RRAGB: variants seen among roughly 807,000 people sequenced by gnomAD.
The protein encoded by RRAGB is ras-related GTP-binding protein B.
A neutral mutation model predicts 29.3 loss-of-function variants in RRAGB; 6 were observed. That is an observed-to-expected ratio of 0.21 (90% CI 0.11 to 0.40). The LOEUF (loss-of-function observed/expected upper bound fraction) is 0.40. RRAGB is among the 10% of genes least tolerant of loss of function. The pLI is 1.00. For missense variants in RRAGB, 184 were observed against 272.9 expected, an observed-to-expected ratio of 0.67 and a Z score of 2.29; for synonymous variants, 101 against 92.5, an observed-to-expected ratio of 1.09 and a Z score of -0.53.
At position 55,753,506 on chromosome X, in the gene RRAGB, A is replaced by T. The variant is rs781527158; in HGVS notation, c.727A>T (p.Thr243Ser). 3 of 1,192,575 alleles carry T rather than the reference A, an allele frequency of 2.5e-6. No individual in the cohort carries two copies. The East Asian group carries it at 9.0e-5, about 36-fold the overall frequency. Residue 243 changes from threonine (T) to serine (S), a missense_variant, in exon 7 of 10, where the codon ACT becomes TCT. Physicochemically the swap from Thr to Ser is moderately conservative, Grantham distance 58. Transcript: ENST00000374941. ...TGAAGTACTTCTTTTTGAGAGAGCT[A>T]CTTTTCTGGTAAGAACTTTCTGCTT... ...ADEVLLFERA[T>S]FLVISHYQCK... is the part of the protein sequence containing the mutation.
intron 5 of RRAGB, among the ~76,000 whole-genome samples, chrX:55,739,325 G>T (rs182528209): frequency 8.9e-6 from 1 of 112,279 alleles, no homozygotes; most frequent in African/African-American, 3.2e-5. Flanking sequence ...GTCCTCACTC[G>T]AGAGATTAGA....
chrX:55,719,793 T>C (rs1183318166), intron 2 of RRAGB, among the ~76,000 whole-genome samples: 2 of 112,515 alleles, frequency 1.8e-5, no homozygotes, highest in African/African-American at 3.2e-5. Flanking sequence ...TAAGGTCTTA[T>C]TGAGTTCTTC....
chrX:55,756,003 A>T, intron 8 of RRAGB, 71 bp downstream of exon 8: 1 of 683,072 alleles, frequency 1.5e-6, no homozygotes. Flanking sequence ...AAGTTCAAAT[A>T]ACTATAGTTA....
At chrX:55,729,429 G>T in intron 4 of RRAGB, 69 bp downstream of exon 4, 2 of 641,617 alleles carry the variant, frequency 3.1e-6, no homozygotes, top group Non-Finnish European at 5.2e-6. Flanking sequence ...ATATCAGCAT[G>T]GCGAATACAC....
At chrX:55,724,051 C>T (rs944985627) in intron 3 of RRAGB, among the ~76,000 whole-genome samples, 15 of 112,358 alleles carry the variant, frequency 1.3e-4, no homozygotes, top group Non-Finnish European at 2.8e-4. Context: ...TTATTCAGGA[C>T]ATTACATTGC....
Position 55,751,209 on chromosome X carries a change from C to A in RRAGB, c.612+13C>A. 1 of 916,172 alleles carries A rather than the reference C, an allele frequency of 1.1e-6. No individual in the cohort carries two copies. The highest frequency in any genetic ancestry group is 1.6e-6 in the Non-Finnish European group (1 of 644,977). 75.5% of individuals were successfully genotyped at this position (916,172 alleles called of 1,213,427 possible). The stretch of plus-strand genomic sequence containing the variant: ...AACCCTCTATAAGGTGTGTATGTCT[C>A]CCTGAGTTCCCTCATTTTAAGAGCA... On this transcript the variant is annotated intron_variant, in intron 6 of 9. Coordinates refer to ENST00000374941, the MANE Select transcript of RRAGB (RefSeq NM_006064.5).
intron 5 of RRAGB, among the ~76,000 whole-genome samples, chrX:55,749,789 T>C (rs1334140388): frequency 1.8e-5 from 2 of 108,551 alleles, no homozygotes; most frequent in Non-Finnish European, 3.9e-5. Flanking sequence ...GTTAAATGGA[T>C]TAAGGGCGGT....
At chrX:55,742,624 G>T (rs1019578814) in intron 5 of RRAGB, among the ~76,000 whole-genome samples, 1 of 111,602 alleles carries the variant, frequency 9.0e-6, no homozygotes, top group African/African-American at 3.3e-5. Flanking sequence ...TTAACTTCCA[G>T]TTCAGTGGAA....
At chrX:55,740,038 T>C (rs1164122567) in intron 5 of RRAGB, among the ~76,000 whole-genome samples, 1 of 112,119 alleles carries the variant, frequency 8.9e-6, no homozygotes, top group African/African-American at 3.2e-5. Flanking sequence ...TAATTGTGAT[T>C]TTGCCGGGCG....
rs1406321004 is a variant in RRAGB at position 55,723,558 on chromosome X, CT to C, written c.226+1283del. Among the ~76,000 whole-genome samples the C allele has an allele frequency of 4.8e-5, 5 of 104,792 alleles. No individual in the cohort carries two copies. The South Asian group carries it at 1.3e-3, about 26-fold the overall frequency. The allele number at this position is 104,792 out of a possible 115,157, so 91.0% of individuals were successfully genotyped here. A position where few individuals can be genotyped will look rare whatever the true frequency, so the allele number is the denominator to read the frequency against. On this transcript the variant is annotated intron_variant, in intron 3 of 9. Coordinates refer to ENST00000374941, the MANE Select transcript of RRAGB (RefSeq NM_006064.5). ...CCTAGCGATCTCTTGCCTCACAAAT[CT>C]TTTTTTTTTCTTTTTGGAGACGGAG... is the stretch of plus-strand genomic sequence containing the variant.
Position 55,718,344 on chromosome X carries a change from C to A in RRAGB, c.17C>A (p.Ser6Tyr), listed in dbSNP as rs2033129476. ...TGTTGCGCAATGGAAGAATCTGACT[C>A]TGAGAAAACGACGGAGAAAGAAAAT... is the stretch of plus-strand genomic sequence containing the variant. The part of the protein sequence containing the change: MEESD[S>Y]EKTTEKENLG... The change falls in exon 1 of 10, where the codon TCT (serine) becomes TAT (tyrosine). Residue 6 changes from serine (S) to tyrosine (Y), a missense_variant. Physicochemically the swap from Ser to Tyr is moderately radical, Grantham distance 144. Transcript: ENST00000374941. 1.7e-6 allele frequency: 2 copies of A among 1,204,962 alleles called. No individual in the cohort carries two copies. The highest frequency in any genetic ancestry group is 3.0e-5 in the East Asian group (1 of 33,752).
chrX:55,718,367 A>G lies in RRAGB; in HGVS notation c.40A>G (p.Asn14Asp), dbSNP rs1266466125. Residue 14 changes from asparagine (N) to aspartate (D), a missense_variant, in exon 1 of 10, where the codon AAT (asparagine) becomes GAT (aspartate). Physicochemically the swap from Asn to Asp is conservative, Grantham distance 23. Transcript: ENST00000374941. ...SDSEKTTEKE[N>D]LGPRMDPPLG... Reference sequence around the variant, plus strand: ...CTCTGAGAAAACGACGGAGAAAGAAAATCTGGGGCCGAGAATGGATCCACC... The same window carrying G: ...CTCTGAGAAAACGACGGAGAAAGAAGATCTGGGGCCGAGAATGGATCCACC... 1 of 1,206,764 alleles carries G rather than the reference A, an allele frequency of 8.3e-7. No individual in the cohort carries two copies. The highest frequency in any genetic ancestry group is 3.0e-5 in the East Asian group (1 of 33,769).
In RRAGB at chrX:55,718,226, G is replaced by T. The variant is rs984006620; in HGVS notation, c.-102G>T. The T allele has an allele frequency of 2.0e-5, 12 of 601,166 alleles. No homozygotes were observed. Among genetic ancestry groups the T allele is most frequent in the Non-Finnish European group, 3.0e-5 (12 of 393,880 alleles). 49.5% of individuals were successfully genotyped at this position (601,166 alleles called of 1,213,427 possible). On this transcript the variant is annotated 5_prime_UTR_variant, in exon 1 of 10. Coordinates refer to ENST00000374941, the MANE Select transcript of RRAGB (RefSeq NM_006064.5). ...CAGGCCTGAGGGCCATAGGCGATGAGAATAGGCAGTTGAGGGGTGAAAAAG... is the reference window on the plus strand; with the variant it reads ...CAGGCCTGAGGGCCATAGGCGATGATAATAGGCAGTTGAGGGGTGAAAAAG...
At chrX:55,756,190 A>C (rs1397070555) in intron 8 of RRAGB, among the ~76,000 whole-genome samples, 3 of 111,909 alleles carry the variant, frequency 2.7e-5, no homozygotes, top group African/African-American at 9.7e-5. Context: ...CTATTTGCGA[A>C]GAAATAAATA....
Position 55,719,205 on chromosome X carries a change from C to T in RRAGB, c.93-109C>T, listed in dbSNP as rs745403613. 7.3e-5 allele frequency: 47 copies of T among 647,985 alleles called. No homozygotes were observed. In the Admixed American group the frequency reaches 9.8e-4, roughly 13 times the overall value. The allele number at this position is 647,985 out of a possible 1,213,427, so 53.4% of individuals were successfully genotyped here. On this transcript the variant is annotated intron_variant, in intron 1 of 9. Coordinates refer to ENST00000374941, the MANE Select transcript of RRAGB (RefSeq NM_006064.5). ...TCCCACACACACAGCTGTACTCAGC[C>T]GTTGTACTAAACATGCTCTTTTGTA...
chrX:55,727,188 G>A, intron 3 of RRAGB: 1 of 596,025 alleles, frequency 1.7e-6, no homozygotes, highest in Non-Finnish European at 2.4e-6. Context: ...CTATGATATG[G>A]GAGTAGAAAC....
chrX:55,740,373 G>A (rs2034020958), intron 5 of RRAGB, among the ~76,000 whole-genome samples: 1 of 110,583 alleles, frequency 9.0e-6, no homozygotes, highest in African/African-American at 3.3e-5. Context: ...AAATCATTAT[G>A]ACTAGGCTCA....
chrX:55,718,506 G>A (rs1426836137), intron 1 of RRAGB, 87 bp downstream of exon 1: 1 of 538,409 alleles, frequency 1.9e-6, no homozygotes, highest in East Asian at 3.8e-5. Context: ...TCCCCACCCC[G>A]CACCATGATA....
intron 5 of RRAGB, among the ~76,000 whole-genome samples, chrX:55,747,866 CTT>C (rs2034305314): frequency 1.2e-5 from 1 of 86,567 alleles, no homozygotes; most frequent in Non-Finnish European, 2.7e-5. Flanking sequence ...CCCTCTCCCT[CTT>C]TCCACGGTCT....
Sources: allele counts gnomAD v4.1 joint callset (sites outside exome capture counted in the v4.1 genomes callset), GRCh38; gene constraint gnomAD v4.1.1; transcripts MANE v1.5; gene names NCBI Gene and HGNC (gene_info 2026-07-23, HGNC 2026-07-21).